DTNB: variants seen among roughly 807,000 people sequenced by gnomAD.
The protein encoded by DTNB is DTN-B.
Under a neutral mutation model 90.7 loss-of-function variants are expected in DTNB, and 63 were observed. The ratio of observed to expected loss-of-function variants is 0.69; its 90% CI spans 0.57 to 0.86. DTNB has a LOEUF of 0.86. DTNB is among the 40% of genes least tolerant of loss of function. The pLI, the probability that DTNB is intolerant of heterozygous loss-of-function variation, is 0.00. For synonymous variants in DTNB, 277 were observed against 286.7 expected (o/e 0.97, Z 0.34); for missense variants, 744 against 807.1 (o/e 0.92, Z 0.95).
chr2:25,624,430 G>C, intron 4 of DTNB, among the ~76,000 whole-genome samples: 1 of 152,210 alleles, frequency 6.6e-6, no homozygotes, highest in Non-Finnish European at 1.5e-5. Flanking sequence ...TTTAGTAGAA[G>C]CTGCTCACAG....
chr2:25,446,832 C>T (rs2150091537), intron 12 of DTNB, among the ~76,000 whole-genome samples: 1 of 152,216 alleles, frequency 6.6e-6, no homozygotes, highest in African/African-American at 2.4e-5. Context: ...TTTTTTAACC[C>T]TAATTCTATT....
chr2:25,547,404 A>G (rs1446225403), intron 8 of DTNB, among the ~76,000 whole-genome samples: 1 of 149,764 alleles, frequency 6.7e-6, no homozygotes, highest in African/African-American at 2.5e-5. Context: ...GGCTCACTGC[A>G]ACCTCCGCCT....
chr2:25,479,505 A>G (rs1251799235), intron 10 of DTNB, among the ~76,000 whole-genome samples: 1 of 152,232 alleles, frequency 6.6e-6, no homozygotes, highest in African/African-American at 2.4e-5. Context: ...ATTTAGCCTA[A>G]GGCAGACAAA....
At chr2:25,670,485 G>A (rs528013733) in intron 1 of DTNB, among the ~76,000 whole-genome samples, 1 of 152,264 alleles carries the variant, frequency 6.6e-6, no homozygotes, top group Admixed American at 6.5e-5. Context: ...AGGTCAAGGG[G>A]GCCTTTATTC....
chr2:25,442,084 C>T (rs142532370), intron 12 of DTNB, among the ~76,000 whole-genome samples: 2 of 152,206 alleles, frequency 1.3e-5, no homozygotes, highest in African/African-American at 2.4e-5. Flanking sequence ...TTGGCAAGTT[C>T]GCCTAAAGTG....
At chr2:25,492,353 C>A (rs955213707) in intron 9 of DTNB, among the ~76,000 whole-genome samples, 2 of 151,964 alleles carry the variant, frequency 1.3e-5, no homozygotes, top group Non-Finnish European at 2.9e-5. Flanking sequence ...ATTTAATGAG[C>A]AAATTATCTA....
intron 9 of DTNB, among the ~76,000 whole-genome samples, chr2:25,522,701 CT>C (rs201567111): frequency 0.27 from 35,496 of 133,162 alleles, 4,071 homozygotes; most frequent in East Asian, 0.47. Flanking sequence ...AAACTGAGGT[CT>C]TTTTTTTTTT....
intron 12 of DTNB, among the ~76,000 whole-genome samples, chr2:25,435,211 G>A (rs2055303607): frequency 6.6e-6 from 1 of 152,140 alleles, no homozygotes; most frequent in African/African-American, 2.4e-5. Context: ...AGTAGAGACA[G>A]GGTTTCACCA....
At chr2:25,627,822 T>C (rs2074611423) in intron 4 of DTNB, among the ~76,000 whole-genome samples, 1 of 151,544 alleles carries the variant, frequency 6.6e-6, no homozygotes, top group East Asian at 1.9e-4. Flanking sequence ...CTGCAACCTC[T>C]GCCTCCTGGG....
At chr2:25,576,574 A>G (rs1408048544) in intron 8 of DTNB, 3 of 310,380 alleles carry the variant, frequency 9.7e-6, no homozygotes, top group Non-Finnish European at 1.7e-5. Flanking sequence ...CTTTGAAAAG[A>G]GAGCACTGCA....
chr2:25,459,864 T>A (rs1167000878), intron 10 of DTNB, among the ~76,000 whole-genome samples: 1 of 152,046 alleles, frequency 6.6e-6, no homozygotes, highest in Admixed American at 6.6e-5. Flanking sequence ...TCCCAGCACG[T>A]TGGGAGGACG....
chr2:25,580,738 A>C lies in DTNB; in HGVS notation c.692T>G (p.Leu231Arg). ...CLVWLPLMHR[L>R]AHVENVFHPV... is the part of the protein sequence containing the mutation. Reference sequence around the variant, plus strand: ...CTGCTTACCATTCTCAACATGGGCAAGCCTGTGCATGAGAGGTAGCCAGAC... The same window carrying C: ...CTGCTTACCATTCTCAACATGGGCACGCCTGTGCATGAGAGGTAGCCAGAC... Residue 231 changes from leucine to arginine, a missense_variant, in exon 7 of 21, where the codon CTT becomes CGT. Leu to Arg is a moderately radical substitution (Grantham distance 102, BLOSUM62 -2). Coordinates refer to ENST00000406818, the MANE Select transcript of DTNB (RefSeq NM_021907.5). 1 of 1,613,668 alleles carries C rather than the reference A, an allele frequency of 6.2e-7. No individual in the cohort carries two copies. The highest frequency in any genetic ancestry group is 8.5e-7 in the Non-Finnish European group (1 of 1,179,634).
At chr2:25,589,312 T>C (rs1373858290) in intron 6 of DTNB, among the ~76,000 whole-genome samples, 1 of 151,472 alleles carries the variant, frequency 6.6e-6, no homozygotes, top group Admixed American at 6.6e-5. Flanking sequence ...CTTTCCTATC[T>C]GCTCACTTCT....
chr2:25,415,404 G>C (rs1558423239), intron 16 of DTNB, among the ~76,000 whole-genome samples: 1 of 151,908 alleles, frequency 6.6e-6, no homozygotes, highest in East Asian at 1.9e-4. Context: ...ATGCTACCAT[G>C]CCTGGCTAAT....
At chr2:25,663,649 T>C (rs538789900) in intron 1 of DTNB, among the ~76,000 whole-genome samples, 167 of 152,364 alleles carry the variant, frequency 1.1e-3, no homozygotes, top group Middle Eastern at 3.4e-3. Context: ...TATTTCCATA[T>C]ATTTTATTAT....
chr2:25,486,412 A>G (rs2066154245), intron 9 of DTNB, among the ~76,000 whole-genome samples: 1 of 152,102 alleles, frequency 6.6e-6, no homozygotes, highest in Non-Finnish European at 1.5e-5. Context: ...TTTCAGTGAA[A>G]CTGACATTGT....
At chr2:25,423,331 C>CA (rs1265371116) in intron 15 of DTNB, among the ~76,000 whole-genome samples, 1 of 152,064 alleles carries the variant, frequency 6.6e-6, no homozygotes, top group Non-Finnish European at 1.5e-5. Flanking sequence ...GTTAAAGAAA[C>CA]AAAAAAATTA....
At chr2:25,612,895 C>A (rs1355761281) in intron 4 of DTNB, among the ~76,000 whole-genome samples, 1 of 152,090 alleles carries the variant, frequency 6.6e-6, no homozygotes, top group Non-Finnish European at 1.5e-5. Flanking sequence ...ACTGAATAGA[C>A]CCATATCCAT....
At chr2:25,467,172 T>C (rs2061936645) in intron 10 of DTNB, among the ~76,000 whole-genome samples, 1 of 152,218 alleles carries the variant, frequency 6.6e-6, no homozygotes, top group South Asian at 2.1e-4. Flanking sequence ...TAGAGATTCA[T>C]CTCCATATTT....
Sources: allele counts gnomAD v4.1 joint callset (sites outside exome capture counted in the v4.1 genomes callset), GRCh38; gene constraint gnomAD v4.1.1; transcripts MANE v1.5; gene names NCBI Gene and HGNC (gene_info 2026-07-23, HGNC 2026-07-21).